Variants in CSMD3 observed in about 807,000 individuals in gnomAD.
The protein encoded by CSMD3 is CUB and sushi domain-containing protein 3.
Under a neutral mutation model 435.2 loss-of-function variants are expected in CSMD3, and 177 were observed. That is an observed-to-expected ratio of 0.41 (90% CI 0.36 to 0.46). The LOEUF is 0.46. Ranked by LOEUF, CSMD3 falls within the 20% of genes least tolerant of loss-of-function variation. The probability of loss-of-function intolerance (pLI) is 0.34; values close to 1 mark genes in which losing one functional copy is unlikely to be tolerated. For missense variants in CSMD3, 4,265 were observed against 4,504.6 expected (o/e 0.95, Z 1.52); for synonymous variants, 1,656 against 1,520.5 (o/e 1.09, Z -2.07).
intron 10 of CSMD3, 125 bp downstream of exon 10, chr8:112,921,502 T>C: frequency 1.2e-6 from 1 of 860,606 alleles, no homozygotes; most frequent in Non-Finnish European, 1.9e-6. Context: ...TATCAATAAA[T>C]ATATGAGCAC....
At chr8:112,552,760 C>A (rs767634514) in intron 25 of CSMD3, 40 bp from the exon 26 acceptor site, 10 of 1,586,420 alleles carry the variant, frequency 6.3e-6, no homozygotes, top group Non-Finnish European at 8.6e-6. Flanking sequence ...CAATTTAATG[C>A]CAATCTTTTC....
intron 4 of CSMD3, among the ~76,000 whole-genome samples, chr8:113,135,654 A>G (rs895470343): frequency 1.3e-5 from 2 of 151,780 alleles, no homozygotes; most frequent in Admixed American, 1.3e-4. Context: ...TTAGACAAAA[A>G]TAAAGTCCCA....
chr8:112,582,995 T>C (rs950713362), intron 23 of CSMD3, among the ~76,000 whole-genome samples: 8 of 152,048 alleles, frequency 5.3e-5, no homozygotes, highest in African/African-American at 1.9e-4. Flanking sequence ...ATAAACCACC[T>C]GGTCTATGTT....
chr8:112,719,319 C>T (rs1224979489), intron 13 of CSMD3, among the ~76,000 whole-genome samples: 1 of 152,016 alleles, frequency 6.6e-6, no homozygotes, highest in Non-Finnish European at 1.5e-5. Context: ...ATATGCCCCC[C>T]AAAAAGGCAA....
intron 22 of CSMD3, among the ~76,000 whole-genome samples, chr8:112,632,880 A>T (rs2074555654): frequency 6.6e-6 from 1 of 151,850 alleles, no homozygotes; most frequent in Non-Finnish European, 1.5e-5. Context: ...TGCCACTTAA[A>T]CAAGTGATCA....
chr8:113,017,557 A>G (rs1791852379), intron 6 of CSMD3, among the ~76,000 whole-genome samples: 1 of 151,992 alleles, frequency 6.6e-6, no homozygotes, highest in Admixed American at 6.6e-5. Flanking sequence ...AGTAGAAAAG[A>G]TCACAGGAAT....
At chr8:113,393,221 T>G (rs190361596) in intron 1 of CSMD3, among the ~76,000 whole-genome samples, 171 of 152,082 alleles carry the variant, frequency 1.1e-3, no homozygotes, top group African/African-American at 3.9e-3. Flanking sequence ...ATTTGGTAGA[T>G]ACTGTGGATA....
intron 5 of CSMD3, among the ~76,000 whole-genome samples, chr8:113,043,956 A>G (rs2087726214): frequency 1.3e-5 from 2 of 152,036 alleles, no homozygotes; most frequent in South Asian, 4.1e-4. Flanking sequence ...CAGAAATTTA[A>G]AAGTTAAAAG....
chr8:113,224,526 T>C (rs1199751410), intron 3 of CSMD3, among the ~76,000 whole-genome samples: 3 of 151,348 alleles, frequency 2.0e-5, no homozygotes, highest in Non-Finnish European at 4.4e-5. Flanking sequence ...TCTAATTATA[T>C]ATAACATCTG....
intron 22 of CSMD3, among the ~76,000 whole-genome samples, chr8:112,606,972 G>GAAAAAAAAAAAAAAAAAAAAAAA (rs71309778): frequency 5.5e-5 from 2 of 36,644 alleles, no homozygotes; most frequent in Admixed American, 4.3e-4. Context: ...CTCAAGCTAT[G>GAAAAAAAAAAAAAAAAAAAAAAA]AAAAAAAAAA....
chr8:113,305,878 G>T (rs186354053), intron 2 of CSMD3, among the ~76,000 whole-genome samples: 1 of 152,236 alleles, frequency 6.6e-6, no homozygotes, highest in Non-Finnish European at 1.5e-5. Context: ...ATGCCCAATG[G>T]CAATGCAGTA....
At chr8:113,284,422 TTTATTG>T (rs1200415029) in intron 2 of CSMD3, among the ~76,000 whole-genome samples, 2 of 152,184 alleles carry the variant, frequency 1.3e-5, no homozygotes, top group African/African-American at 4.8e-5. Flanking sequence ...AGAATATAAA[TTTATTG>T]TTATTAAGTT....
At chr8:112,248,942 T>C (rs1413319659) in intron 63 of CSMD3, among the ~76,000 whole-genome samples, 1 of 152,160 alleles carries the variant, frequency 6.6e-6, no homozygotes, top group East Asian at 1.9e-4. Context: ...ATTTGCATTT[T>C]ATTCCTTAAA....
chr8:112,492,984 G>C (rs142986391), intron 30 of CSMD3, among the ~76,000 whole-genome samples: 2 of 152,204 alleles, frequency 1.3e-5, no homozygotes, highest in African/African-American at 4.8e-5. Flanking sequence ...GTATCAGAAG[G>C]TTTGGAACCA....
At chr8:112,905,327 C>T (rs2082230320) in intron 10 of CSMD3, among the ~76,000 whole-genome samples, 1 of 150,580 alleles carries the variant, frequency 6.6e-6, no homozygotes, top group African/African-American at 2.4e-5. Context: ...TATATACACA[C>T]ACACACACAC....
intron 11 of CSMD3, among the ~76,000 whole-genome samples, chr8:112,854,068 G>A (rs537701010): frequency 6.6e-6 from 1 of 152,106 alleles, no homozygotes; most frequent in South Asian, 2.1e-4. Context: ...GATGAAAAAA[G>A]GATGGTATCT....
chr8:112,637,602 T>C (rs1272333373), intron 21 of CSMD3, among the ~76,000 whole-genome samples: 2 of 152,064 alleles, frequency 1.3e-5, no homozygotes, highest in Non-Finnish European at 2.9e-5. Flanking sequence ...ATTATGAAAA[T>C]GAACAAGTAA....
chr8:112,505,097 C>T (rs1417846601), intron 29 of CSMD3, among the ~76,000 whole-genome samples: 4 of 152,050 alleles, frequency 2.6e-5, no homozygotes, highest in African/African-American at 9.7e-5. Flanking sequence ...AAGAAGAGTC[C>T]AGCTGCTCAG....
chr8:112,502,656 G>C (rs1173268938), intron 30 of CSMD3, among the ~76,000 whole-genome samples: 1 of 146,490 alleles, frequency 6.8e-6, no homozygotes, highest in African/African-American at 2.5e-5. Context: ...AGTTTCCATT[G>C]TATATGTAAT....
Sources: gnomAD v4.1 joint callset for allele counts (sites outside exome capture counted in the v4.1 genomes callset) on GRCh38, gnomAD v4.1.1 for gene constraint, MANE v1.5 for transcripts, NCBI Gene and HGNC (gene_info 2026-07-23, HGNC 2026-07-21) for gene names.